BRCC3: variants seen among roughly 807,000 people sequenced by gnomAD.
The protein encoded by BRCC3 is BRCA1/BRCA2-containing complex subunit 3.
In BRCC3, 15 loss-of-function variants were observed where a neutral mutation model predicts 28.0. The ratio of observed to expected loss-of-function variants is 0.54; its 90% CI spans 0.36 to 0.82. The LOEUF (loss-of-function observed/expected upper bound fraction) is 0.82. Among genes scored for constraint, BRCC3 ranks in the 40% least tolerant of loss-of-function variants. BRCC3 has a pLI of 0.01. For synonymous variants in BRCC3, 66 were observed against 80.3 expected (o/e 0.82, Z 0.95); for missense variants, 109 against 225.9 (o/e 0.48, Z 3.32).
chrX:155,072,627 T>C lies in BRCC3; in HGVS notation c.140+284T>C, dbSNP rs1362768951. ...CCCAGGCTGGAGTGCAGTGGCGCGA[T>C]CTCTGCTCACTGCAACCTCCGCCTC... is the stretch of plus-strand genomic sequence containing the variant. On this transcript the variant is annotated intron_variant, in intron 2 of 10. Coordinates refer to ENST00000330045, the MANE Select transcript of BRCC3 (RefSeq NM_001018055.3). Among the ~76,000 whole-genome samples, 3 of 111,408 alleles carry C rather than the reference T, an allele frequency of 2.7e-5. No homozygotes were observed. The Admixed American group carries it at 2.8e-4, about 11-fold the overall frequency.
intron 3 of BRCC3, among the ~76,000 whole-genome samples, chrX:155,075,347 GCCA>G (rs2074030098): frequency 1.8e-5 from 1 of 54,836 alleles, no homozygotes; most frequent in African/African-American, 3.5e-4. Context: ...CTTGATTCAG[GCCA>G]AGACCTCTGC....
At chrX:155,075,291 C>CCCCTGGCCCTTCTTTGTCTTCCT (rs2074026731) in intron 3 of BRCC3, among the ~76,000 whole-genome samples, 4 of 105,312 alleles carry the variant, frequency 3.8e-5, no homozygotes, top group African/African-American at 1.4e-4. Flanking sequence ...CCCACTCTTT[C>CCCCTGGCCCTTCTTTGTCTTCCT]CCCTGGCCCT....
chrX:155,086,606 G>A (rs1417612790), intron 5 of BRCC3, among the ~76,000 whole-genome samples: 1 of 110,515 alleles, frequency 9.0e-6, no homozygotes, highest in African/African-American at 3.3e-5. Flanking sequence ...TGGTCTGCCC[G>A]CCTTGGCCTC....
intron 5 of BRCC3, among the ~76,000 whole-genome samples, chrX:155,087,192 CAG>C (rs2074137679): frequency 8.9e-6 from 1 of 111,883 alleles, no homozygotes; most frequent in African/African-American, 3.3e-5. Flanking sequence ...AGACAATGCT[CAG>C]AGGGGGTACA....
intron 5 of BRCC3, among the ~76,000 whole-genome samples, chrX:155,082,427 G>C (rs1772999532): frequency 8.9e-6 from 1 of 111,845 alleles, no homozygotes; most frequent in African/African-American, 3.3e-5. Flanking sequence ...GCAAGGGTGA[G>C]GTAGGACAAG....
intron 7 of BRCC3, among the ~76,000 whole-genome samples, chrX:155,101,549 CATTT>C (rs1176202048): frequency 8.9e-6 from 1 of 111,902 alleles, no homozygotes; most frequent in African/African-American, 3.2e-5. Context: ...ATTATTTGTT[CATTT>C]ATTTATTTAT....
chrX:155,077,118 A>T (rs2074050683), intron 3 of BRCC3, 52 bp from the exon 4 acceptor site: 1 of 1,060,042 alleles, frequency 9.4e-7, no homozygotes, highest in Admixed American at 2.6e-5. Flanking sequence ...TTGAAGGGGG[A>T]TGTGTTATTG....
chrX:155,110,475 C>T (rs2074313742), intron 7 of BRCC3, among the ~76,000 whole-genome samples: 1 of 110,728 alleles, frequency 9.0e-6, no homozygotes, highest in African/African-American at 3.3e-5. Flanking sequence ...TTACATTGTT[C>T]ACAATATCTT....
At chrX:155,105,826 G>A (rs1454171936) in intron 7 of BRCC3, among the ~76,000 whole-genome samples, 2 of 111,913 alleles carry the variant, frequency 1.8e-5, no homozygotes, top group African/African-American at 6.5e-5. Context: ...AGACTCCTGA[G>A]TAGCAGGGAT....
At chrX:155,095,952 A>G (rs1274983141) in intron 7 of BRCC3, among the ~76,000 whole-genome samples, 1 of 112,115 alleles carries the variant, frequency 8.9e-6, no homozygotes, top group Non-Finnish European at 1.9e-5. Flanking sequence ...AGTAGGCTGT[A>G]CCATCTTGTT....
chrX:155,089,802 T>C (rs1265924152), intron 6 of BRCC3, among the ~76,000 whole-genome samples: 1 of 112,137 alleles, frequency 8.9e-6, no homozygotes, highest in African/African-American at 3.2e-5. Context: ...GACTCTGAGT[T>C]GGGAAGTCAC....
chrX:155,085,298 G>A (rs1415364438), intron 5 of BRCC3, among the ~76,000 whole-genome samples: 3 of 112,651 alleles, frequency 2.7e-5, no homozygotes, highest in African/African-American at 9.7e-5. Context: ...TCTTAGGAAT[G>A]GTGCTGTGTA....
At chrX:155,112,475 T>C (rs886762398) in intron 7 of BRCC3, among the ~76,000 whole-genome samples, 18 of 112,790 alleles carry the variant, frequency 1.6e-4, no homozygotes, top group African/African-American at 5.1e-4. Context: ...TCATCTAACA[T>C]TTTTGGACCG....
At position 155,075,769 on chromosome X, in the gene BRCC3, G is replaced by A. The variant is rs782134484; in HGVS notation, c.196-1401G>A. On this transcript the variant is annotated intron_variant, in intron 3 of 10. Transcript: ENST00000330045. Reference sequence around the variant, plus strand: ...TATCTGAAATAATTTTTTTTCCTTCGAGTTCATCCTGCAAATTATGGCTTG... The same window carrying A: ...TATCTGAAATAATTTTTTTTCCTTCAAGTTCATCCTGCAAATTATGGCTTG... Among the ~76,000 whole-genome samples the A allele has an allele frequency of 2.3e-4, 26 of 111,130 alleles. No individual in the cohort carries two copies. The South Asian group carries it at 3.0e-3, about 13-fold the overall frequency.
intron 9 of BRCC3, among the ~76,000 whole-genome samples, chrX:155,117,085 A>T (rs1174097442): frequency 8.9e-6 from 1 of 112,238 alleles, no homozygotes. Flanking sequence ...GACGGTTTCC[A>T]TGGTGTAATG....
chrX:155,082,951 G>A (rs1457813420), intron 5 of BRCC3, among the ~76,000 whole-genome samples: 1 of 111,907 alleles, frequency 8.9e-6, no homozygotes, highest in Non-Finnish European at 1.9e-5. Flanking sequence ...GAGATGGAAT[G>A]TTGCTCCATT....
intron 7 of BRCC3, among the ~76,000 whole-genome samples, chrX:155,095,936 G>A (rs146303886): frequency 0.025 from 2,831 of 111,968 alleles, 116 homozygotes; most frequent in Admixed American, 0.14. Flanking sequence ...TATAGCCTGG[G>A]CATGTAGTAG....
intron 5 of BRCC3, among the ~76,000 whole-genome samples, chrX:155,086,155 C>T (rs1201662473): frequency 9.0e-6 from 1 of 111,215 alleles, no homozygotes; most frequent in Non-Finnish European, 1.9e-5. Context: ...TGCTGGCTGA[C>T]GTCCAAGCTA....
intron 7 of BRCC3, among the ~76,000 whole-genome samples, chrX:155,112,978 G>T (rs1431785500): frequency 1.8e-5 from 2 of 110,932 alleles, no homozygotes; most frequent in African/African-American, 6.5e-5. Flanking sequence ...AAATGTTGCT[G>T]GAAGAAGTTA....
Sources: gnomAD v4.1 joint callset for allele counts (sites outside exome capture counted in the v4.1 genomes callset) on GRCh38, gnomAD v4.1.1 for gene constraint, MANE v1.5 for transcripts, NCBI Gene and HGNC (gene_info 2026-07-23, HGNC 2026-07-21) for gene names.